The following INTS9 variants were observed in gnomAD, a reference collection of about 807,000 sequenced individuals.
INTS9 encodes the protein protein related to CPSF subunits of 74 kDa.
In INTS9, 55 loss-of-function variants were observed where a neutral mutation model predicts 79.7. The observed-to-expected ratio is 0.69, with a 90% CI of 0.56 to 0.86. The LOEUF (loss-of-function observed/expected upper bound fraction) is 0.86. Among genes scored for constraint, INTS9 ranks in the 40% least tolerant of loss-of-function variants. INTS9 has a pLI of 0.00. For synonymous variants in INTS9, 319 were observed against 325.2 expected (o/e 0.98, Z 0.20); for missense variants, 721 against 831.5 (o/e 0.87, Z 1.64).
intron 11 of INTS9, among the ~76,000 whole-genome samples, chr8:28,786,074 G>A (rs1026426553): frequency 2.0e-5 from 3 of 152,068 alleles, no homozygotes; most frequent in Non-Finnish European, 4.4e-5. Context: ...TTGTGTTTTT[G>A]AACTTTTATG....
chr8:28,856,619 A>T (rs1808175500), intron 2 of INTS9, among the ~76,000 whole-genome samples: 2 of 152,176 alleles, frequency 1.3e-5, no homozygotes, highest in African/African-American at 4.8e-5. Flanking sequence ...CATTTTGGAC[A>T]CATCAATCTG....
At chr8:28,794,020 T>C in intron 9 of INTS9, 33 bp from the exon 10 acceptor site, 1 of 1,496,250 alleles carries the variant, frequency 6.7e-7, no homozygotes, top group Non-Finnish European at 9.0e-7. Flanking sequence ...AGAAAAAACA[T>C]CATATCAAAA....
In INTS9 at chr8:28,850,138, C is replaced by T. The variant is rs74497829; in HGVS notation, c.198+75G>A. ...AAAAAAGCCATCAGTCACACTACTACAGGGTGGCTCTGGTATGAGAAGATA... is the reference window on the plus strand; with the variant it reads ...AAAAAAGCCATCAGTCACACTACTATAGGGTGGCTCTGGTATGAGAAGATA... On this transcript the variant is annotated intron_variant, in intron 3 of 16. Coordinates refer to ENST00000521022, the MANE Select transcript of INTS9 (RefSeq NM_018250.4). 34 of 1,151,148 alleles carry T rather than the reference C, an allele frequency of 3.0e-5. No homozygotes were observed. In the East Asian group the frequency reaches 7.8e-4, roughly 27 times the overall value. 71.3% of individuals were successfully genotyped at this position (1,151,148 alleles called of 1,614,324 possible).
intron 3 of INTS9, among the ~76,000 whole-genome samples, chr8:28,849,005 A>G (rs2131249579): frequency 6.6e-6 from 1 of 152,320 alleles, no homozygotes; most frequent in African/African-American, 2.4e-5. Flanking sequence ...TCTGAAGAAA[A>G]TCTGGTGTCA....
rs1265270302 is a variant in INTS9, at chr8:28,878,896, C to G, written c.9+10978G>C. Among the ~76,000 whole-genome samples the G allele has an allele frequency of 2.0e-5, 3 of 151,770 alleles. No individual in the cohort carries two copies. In the East Asian group the frequency reaches 5.8e-4, roughly 29 times the overall value. ...TCTGGAGGCTGAGGCATGAGAATCG[C>G]TTGAGCCCGGGAGGTAGAGATTGCA... is the stretch of plus-strand genomic sequence containing the variant. On this transcript the variant is annotated intron_variant, in intron 1 of 16. Transcript: ENST00000521022.
chr8:28,887,562 A>G (rs557386299), intron 1 of INTS9, among the ~76,000 whole-genome samples: 1 of 152,362 alleles, frequency 6.6e-6, no homozygotes, highest in South Asian at 2.1e-4. Flanking sequence ...TTTCATAATT[A>G]TAAATTTAAA....
intron 7 of INTS9, 96 bp from the exon 8 acceptor site, chr8:28,812,557 T>G: frequency 7.4e-7 from 1 of 1,353,094 alleles, no homozygotes; most frequent in African/African-American, 1.5e-5. Context: ...ATCCTCAGTT[T>G]AAAAACAAAA....
At chr8:28,789,483 G>A (rs1803801707) in intron 10 of INTS9, among the ~76,000 whole-genome samples, 1 of 137,196 alleles carries the variant, frequency 7.3e-6, no homozygotes, top group Non-Finnish European at 1.7e-5. Context: ...CAGATTATCA[G>A]GAAGAATGAA....
intron 4 of INTS9, among the ~76,000 whole-genome samples, chr8:28,843,374 C>A (rs1016847155): frequency 6.6e-6 from 1 of 152,246 alleles, no homozygotes; most frequent in Non-Finnish European, 1.5e-5. Context: ...GAATAGGACA[C>A]TTTCATCTGC....
At chr8:28,817,873 C>T (rs1476293178) in intron 6 of INTS9, among the ~76,000 whole-genome samples, 1 of 151,342 alleles carries the variant, frequency 6.6e-6, no homozygotes, top group Non-Finnish European at 1.5e-5. Context: ...TCCTTCACAT[C>T]CCTTGTAAGT....
intron 14 of INTS9, among the ~76,000 whole-genome samples, chr8:28,774,294 A>G (rs943533930): frequency 6.6e-6 from 1 of 152,242 alleles, no homozygotes; most frequent in Non-Finnish European, 1.5e-5. Flanking sequence ...TTATGTTAAC[A>G]TATAATAGGT....
intron 2 of INTS9, among the ~76,000 whole-genome samples, chr8:28,853,169 C>G (rs1807940581): frequency 6.6e-6 from 1 of 152,116 alleles, no homozygotes; most frequent in African/African-American, 2.4e-5. Flanking sequence ...AATCCCAGCA[C>G]TTTGGGAGGC....
At chr8:28,838,368 C>A (rs1806942404) in intron 4 of INTS9, among the ~76,000 whole-genome samples, 1 of 152,186 alleles carries the variant, frequency 6.6e-6, no homozygotes, top group African/African-American at 2.4e-5. Context: ...ATCTTATCCC[C>A]AGATCTGCCC....
At chr8:28,866,988 T>TA (rs537125267) in intron 1 of INTS9, among the ~76,000 whole-genome samples, 1 of 146,744 alleles carries the variant, frequency 6.8e-6, no homozygotes, top group Non-Finnish European at 1.5e-5. Context: ...AAAAGAAAAA[T>TA]AAAAAATCTG....
At chr8:28,775,696 G>A in intron 14 of INTS9, 63 bp downstream of exon 14, 1 of 1,551,452 alleles carries the variant, frequency 6.4e-7, no homozygotes, top group South Asian at 1.1e-5. Flanking sequence ...GGCCACCCCT[G>A]CACGATCTCC....
intron 1 of INTS9, among the ~76,000 whole-genome samples, chr8:28,878,761 C>A (rs1809535357): frequency 6.6e-6 from 1 of 151,834 alleles, no homozygotes; most frequent in Non-Finnish European, 1.5e-5. Context: ...GGCCAGGTAA[C>A]TTGAGGTCAG....
At chr8:28,846,840 A>G in intron 3 of INTS9, 31 bp from the exon 4 acceptor site, 2 of 1,541,002 alleles carry the variant, frequency 1.3e-6, no homozygotes, top group Non-Finnish European at 9.0e-7. Flanking sequence ...AAATACAAGG[A>G]AGAGATATCC....
chr8:28,881,831 G>T (rs1317285896), intron 1 of INTS9, among the ~76,000 whole-genome samples: 3 of 98,408 alleles, frequency 3.0e-5, no homozygotes, highest in African/African-American at 7.9e-5. Flanking sequence ...GGAGGGTGGT[G>T]GGGGGGTCAG....
At chr8:28,791,108 T>C (rs760576104) in intron 10 of INTS9, among the ~76,000 whole-genome samples, 1 of 152,138 alleles carries the variant, frequency 6.6e-6, no homozygotes, top group Non-Finnish European at 1.5e-5. Flanking sequence ...CTCATATGGG[T>C]TCCTGCCTTG....
Sources: allele counts gnomAD v4.1 joint callset (sites outside exome capture counted in the v4.1 genomes callset), GRCh38; gene constraint gnomAD v4.1.1; transcripts MANE v1.5; gene names NCBI Gene and HGNC (gene_info 2026-07-23, HGNC 2026-07-21).